SPAG17: variants seen among roughly 807,000 people sequenced by gnomAD.
SPAG17 encodes the protein sperm associated antigen 17.
SPAG17 carries 169 observed loss-of-function variants against 273.6 expected under a neutral mutation model. The ratio of observed to expected loss-of-function variants is 0.62; its 90% confidence interval spans 0.55 to 0.70. SPAG17 has a LOEUF of 0.70. Among genes scored for constraint, SPAG17 ranks in the 30% least tolerant of loss-of-function variants. The probability of loss-of-function intolerance (pLI) is 0.00; values close to 1 mark genes in which losing one functional copy is unlikely to be tolerated. For missense variants in SPAG17, 2,557 were observed against 2,627.8 expected (o/e 0.97, Z 0.59); for synonymous variants, 825 against 873.2 (o/e 0.94, Z 0.97).
At chr1:117,983,723 T>C in intron 42 of SPAG17, 88 bp downstream of exon 42, 1 of 766,064 alleles carries the variant, frequency 1.3e-6, no homozygotes, top group Non-Finnish European at 2.1e-6. Context: ...TGTCATCAGC[T>C]ATCACTGGTT....
At chr1:118,011,801 T>C (rs1659497560) in intron 30 of SPAG17, among the ~76,000 whole-genome samples, 2 of 151,934 alleles carry the variant, frequency 1.3e-5, no homozygotes, top group South Asian at 4.2e-4. Flanking sequence ...GGAGAAACTT[T>C]TGGCTGCTGG....
At chr1:117,972,656 C>T (rs558234068) in intron 44 of SPAG17, among the ~76,000 whole-genome samples, 56 of 151,914 alleles carry the variant, frequency 3.7e-4, no homozygotes, top group Non-Finnish European at 6.8e-4. Flanking sequence ...AACAAGATCC[C>T]GAGGTAATTC....
chr1:117,965,620 G>C (rs947118611), intron 47 of SPAG17: 3 of 151,860 alleles, frequency 2.0e-5, no homozygotes, highest in Non-Finnish European at 2.9e-5. Context: ...CCCAGTTCTT[G>C]TCCTCACACA....
intron 35 of SPAG17, among the ~76,000 whole-genome samples, chr1:117,993,084 G>C (rs975399190): frequency 6.6e-6 from 1 of 152,160 alleles, no homozygotes; most frequent in Non-Finnish European, 1.5e-5. Context: ...CCATAGATCT[G>C]GGCCATCTTT....
chr1:118,039,766 A>C (rs1469176980), intron 22 of SPAG17, among the ~76,000 whole-genome samples: 2 of 152,146 alleles, frequency 1.3e-5, no homozygotes, highest in African/African-American at 4.8e-5. Flanking sequence ...AACCAACCTG[A>C]ATAGATATCC....
intron 31 of SPAG17, 68 bp downstream of exon 31, chr1:118,007,976 G>C: frequency 6.3e-7 from 1 of 1,591,158 alleles, no homozygotes. Context: ...TACTGCCCCA[G>C]AGAAGTGGGT....
At chr1:118,124,789 T>C (rs1379712835) in intron 3 of SPAG17, among the ~76,000 whole-genome samples, 1 of 152,198 alleles carries the variant, frequency 6.6e-6, no homozygotes, top group African/African-American at 2.4e-5. Flanking sequence ...CAGCCGGTAA[T>C]TAGTAGAGAT....
intron 42 of SPAG17, among the ~76,000 whole-genome samples, chr1:117,982,265 G>A (rs1206974166): frequency 2.2e-5 from 3 of 135,782 alleles, no homozygotes. Flanking sequence ...TTTTTGAGAC[G>A]GAGTCTTGCT....
intron 3 of SPAG17, among the ~76,000 whole-genome samples, chr1:118,137,049 T>C (rs1189560044): frequency 1.3e-5 from 2 of 151,760 alleles, no homozygotes; most frequent in Non-Finnish European, 2.9e-5. Flanking sequence ...TATTAGGCCT[T>C]TGCATTAAAT....
chr1:118,096,347 A>G (rs1438828192), intron 7 of SPAG17, among the ~76,000 whole-genome samples: 3 of 135,534 alleles, frequency 2.2e-5, no homozygotes, highest in Non-Finnish European at 4.8e-5. Context: ...TCTTTTAGAC[A>G]GTCGGCTTTT....
In SPAG17 at chr1:117,996,425, C is replaced by T. The variant is rs1398466476; in HGVS notation, c.4998G>A (p.Leu1666=). The T allele has an allele frequency of 1.2e-6, 2 of 1,612,974 alleles. No individual in the cohort carries two copies. The highest frequency in any genetic ancestry group is 1.7e-6 in the Non-Finnish European group (2 of 1,179,380). The change falls in exon 34 of 49, where the codon TTG becomes TTA. Residue 1666 remains leucine, a synonymous_variant. Transcript: ENST00000336338. The part of the protein sequence containing the change: ...RDSDIEEYLS[L]AYKESNTVVL... The stretch of plus-strand genomic sequence containing the variant: ...CAACAGTATTTGATTCTTTATATGC[C>T]AAAGATAGATATTCTTCTATGTCAC...
chr1:117,991,267 A>C (rs1657040196), intron 37 of SPAG17, 148 bp downstream of exon 37: 2 of 507,304 alleles, frequency 3.9e-6, no homozygotes, highest in Non-Finnish European at 6.8e-6. Flanking sequence ...ATATAGACAA[A>C]TGGATTTCCA....
At chr1:118,057,416 T>C (rs1651822769) in intron 18 of SPAG17, among the ~76,000 whole-genome samples, 1 of 152,174 alleles carries the variant, frequency 6.6e-6, no homozygotes, top group Non-Finnish European at 1.5e-5. Flanking sequence ...AATCAGATCA[T>C]GTCTTTCCTC....
chr1:117,987,605 A>G (rs1398919133), intron 40 of SPAG17, among the ~76,000 whole-genome samples: 1 of 152,232 alleles, frequency 6.6e-6, no homozygotes, highest in African/African-American at 2.4e-5. Context: ...TTGAGGGCCT[A>G]GAGAGCTTTC....
chr1:118,114,922 T>C (rs1335333168), intron 4 of SPAG17, among the ~76,000 whole-genome samples: 1 of 152,214 alleles, frequency 6.6e-6, no homozygotes, highest in Non-Finnish European at 1.5e-5. Flanking sequence ...TAGAGTATCA[T>C]ATAAACTATC....
At chr1:117,958,961 A>G in intron 48 of SPAG17, 1 of 1,614,040 alleles carries the variant, frequency 6.2e-7, no homozygotes, top group Non-Finnish European at 8.5e-7. Flanking sequence ...CAGTGATAGA[A>G]AAATTAAGGG....
chr1:118,018,668 A>C (rs901898341), intron 28 of SPAG17, among the ~76,000 whole-genome samples: 2 of 150,460 alleles, frequency 1.3e-5, no homozygotes, highest in Non-Finnish European at 3.0e-5. Flanking sequence ...CTTCACTGCT[A>C]CAAAAAAAAA....
At chr1:118,155,996 T>A (rs1267181517) in intron 1 of SPAG17, among the ~76,000 whole-genome samples, 1 of 152,226 alleles carries the variant, frequency 6.6e-6, no homozygotes, top group African/African-American at 2.4e-5. Flanking sequence ...AAAATGTATG[T>A]TTAAAATGGG....
chr1:118,181,290 ATTACT>A (rs1438249821), intron 1 of SPAG17, among the ~76,000 whole-genome samples: 2 of 151,986 alleles, frequency 1.3e-5, no homozygotes, highest in Admixed American at 1.3e-4. Flanking sequence ...CATACCAGTA[ATTACT>A]TTAAATGTAC....
Sources: allele counts gnomAD v4.1 joint callset (sites outside exome capture counted in the v4.1 genomes callset), GRCh38; gene constraint gnomAD v4.1.1; transcripts MANE v1.5; gene names NCBI Gene and HGNC (gene_info 2026-07-23, HGNC 2026-07-21).